ABCC1: variants seen among roughly 807,000 people sequenced by gnomAD.
The protein encoded by ABCC1 is multidrug resistance-associated protein 1.
ABCC1 carries 83 observed loss-of-function variants against 172.9 expected under a neutral mutation model. The ratio of observed to expected loss-of-function variants is 0.48; its 90% CI spans 0.40 to 0.58. ABCC1 has a LOEUF of 0.58. Among genes scored for constraint, ABCC1 ranks in the 20% least tolerant of loss-of-function variants. ABCC1 has a pLI of 0.00. For synonymous variants in ABCC1, 937 were observed against 825.2 expected (o/e 1.14, Z -2.32); for missense variants, 1,817 against 2,002.7 (o/e 0.91, Z 1.77).
At chr16:15,951,427 C>T (rs970187568) in intron 1 of ABCC1, among the ~76,000 whole-genome samples, 2 of 150,928 alleles carry the variant, frequency 1.3e-5, no homozygotes, top group East Asian at 3.9e-4. Context: ...TTTATTTTTT[C>T]CTTCGTTAAG....
intron 7 of ABCC1, among the ~76,000 whole-genome samples, chr16:16,038,078 T>C (rs963646352): frequency 6.8e-6 from 1 of 147,744 alleles, no homozygotes; most frequent in Non-Finnish European, 1.5e-5. Flanking sequence ...GATAGATAGA[T>C]GGATGATAGA....
chr16:16,075,450 C>A (rs1006705815), intron 14 of ABCC1, among the ~76,000 whole-genome samples: 14 of 151,820 alleles, frequency 9.2e-5, no homozygotes, highest in African/African-American at 3.4e-4. Context: ...CATGTCAAGA[C>A]CCCACCTCTA....
intron 12 of ABCC1, among the ~76,000 whole-genome samples, chr16:16,061,258 T>C (rs2151931200): frequency 6.6e-6 from 1 of 152,286 alleles, no homozygotes; most frequent in East Asian, 1.9e-4. Context: ...GTAATGTATT[T>C]GCATATGGTG....
intron 28 of ABCC1, 121 bp downstream of exon 28, chr16:16,134,629 T>A: frequency 9.4e-4 from 104 of 110,140 alleles, no homozygotes; most frequent in East Asian, 4.9e-3. Context: ...ATCGTTCTTT[T>A]TTTTTTTTTT....
chr16:16,124,966 C>T (rs775567359), intron 25 of ABCC1, 51 bp downstream of exon 25: 2 of 1,610,902 alleles, frequency 1.2e-6, no homozygotes, highest in East Asian at 4.5e-5. Context: ...AATGGGGGAG[C>T]CAGTTGTCCT....
At chr16:15,978,811 G>A (rs2046552124) in intron 1 of ABCC1, among the ~76,000 whole-genome samples, 1 of 152,100 alleles carries the variant, frequency 6.6e-6, no homozygotes, top group Non-Finnish European at 1.5e-5. Context: ...AGACATTTTT[G>A]TTGTCACAGT....
chr16:16,121,496 G>A (rs932706533), intron 23 of ABCC1, among the ~76,000 whole-genome samples: 3 of 152,230 alleles, frequency 2.0e-5, no homozygotes, highest in Admixed American at 1.3e-4. Context: ...CACACTGCTG[G>A]TTCCAGAAAA....
intron 5 of ABCC1, among the ~76,000 whole-genome samples, chr16:16,021,603 G>T (rs1375576237): frequency 2.6e-5 from 4 of 152,134 alleles, no homozygotes; most frequent in Non-Finnish European, 4.4e-5. Flanking sequence ...TGTGATCCCT[G>T]CTATTTAGGA....
chr16:16,106,416 GA>G (rs56210046), intron 20 of ABCC1: 113,700 of 124,636 alleles, frequency 0.91, 51,911 homozygotes, highest in South Asian at 0.98. Flanking sequence ...ATTGATCTCA[GA>G]AAAAAAAAAA....
intron 1 of ABCC1, among the ~76,000 whole-genome samples, chr16:15,954,800 G>GA (rs1274091563): frequency 3.3e-5 from 5 of 151,978 alleles, no homozygotes; most frequent in Middle Eastern, 3.2e-3. Flanking sequence ...TAGATGGGGG[G>GA]GAAGAAAACC....
chr16:16,043,216 T>C (rs2049048628), intron 7 of ABCC1, among the ~76,000 whole-genome samples: 1 of 134,872 alleles, frequency 7.4e-6, no homozygotes, highest in African/African-American at 2.9e-5. Context: ...TCTGGCTGGC[T>C]GGACTGTTTT....
intron 12 of ABCC1, 90 bp downstream of exon 12, chr16:16,056,385 C>G: frequency 7.0e-7 from 1 of 1,437,312 alleles, no homozygotes; most frequent in Non-Finnish European, 9.5e-7. Flanking sequence ...CACTATGTTG[C>G]CCAGGTGCAG....
intron 1 of ABCC1, among the ~76,000 whole-genome samples, chr16:16,003,110 A>AGGTGGATGGATTGGTT (rs2047377812): frequency 6.6e-6 from 1 of 152,226 alleles, no homozygotes; most frequent in Non-Finnish European, 1.5e-5. Flanking sequence ...ATACATAGAC[A>AGGTGGATGGATTGGTT]GGTGGATGGA....
chr16:16,096,179 A>G (rs1010196294), intron 19 of ABCC1, among the ~76,000 whole-genome samples: 4 of 151,994 alleles, frequency 2.6e-5, no homozygotes, highest in Non-Finnish European at 5.9e-5. Flanking sequence ...CAGTGAGCCA[A>G]GATTGTGCCA....
intron 1 of ABCC1, among the ~76,000 whole-genome samples, chr16:15,956,299 A>T (rs1280118977): frequency 6.6e-6 from 1 of 151,940 alleles, no homozygotes; most frequent in Non-Finnish European, 1.5e-5. Flanking sequence ...TGGTAGGCGG[A>T]CACTGCAGTG....
chr16:15,958,437 C>T (rs1436526336), intron 1 of ABCC1, among the ~76,000 whole-genome samples: 1 of 152,114 alleles, frequency 6.6e-6, no homozygotes, highest in Non-Finnish European at 1.5e-5. Flanking sequence ...TGTGCTTCCT[C>T]ACACCTGGTC....
intron 20 of ABCC1, 101 bp from the exon 21 acceptor site, chr16:16,106,637 T>C: frequency 2.8e-6 from 4 of 1,450,350 alleles, no homozygotes; most frequent in Non-Finnish European, 3.8e-6. Context: ...CTCCGTCTCT[T>C]ATGCCATGGT....
At chr16:16,089,074 G>A (rs1273427026) in intron 18 of ABCC1, among the ~76,000 whole-genome samples, 2 of 152,144 alleles carry the variant, frequency 1.3e-5, no homozygotes, top group Non-Finnish European at 2.9e-5. Context: ...CATGGCAACT[G>A]TAAGATCCAT....
intron 7 of ABCC1, among the ~76,000 whole-genome samples, chr16:16,042,530 C>G (rs924951443): frequency 4.6e-5 from 7 of 152,018 alleles, no homozygotes; most frequent in African/African-American, 1.7e-4. Context: ...TGGTGAAACC[C>G]TGTCTCTACT....
Sources: gnomAD v4.1 joint callset for allele counts (sites outside exome capture counted in the v4.1 genomes callset) on GRCh38, gnomAD v4.1.1 for gene constraint, MANE v1.5 for transcripts, NCBI Gene and HGNC (gene_info 2026-07-23, HGNC 2026-07-21) for gene names.